Variants in CSMD1 observed in about 807,000 individuals in gnomAD.
The protein encoded by CSMD1 is CUB and Sushi multiple domains 1, also known as CUB and sushi domain-containing protein 1.
In CSMD1, 213 loss-of-function variants were observed where a neutral mutation model predicts 417.5. The observed-to-expected ratio is 0.51, with a 90% confidence interval of 0.46 to 0.57. The LOEUF is 0.57. Ranked by LOEUF, CSMD1 falls within the 20% of genes least tolerant of loss-of-function variation. The probability of loss-of-function intolerance (pLI) is 0.00; values close to 1 mark genes in which losing one functional copy is unlikely to be tolerated. For synonymous variants in CSMD1, 2,862 were observed against 1,736.8 expected, an observed-to-expected ratio of 1.65 and a Z score of -16.11; for missense variants, 6,923 against 4,529.7, an observed-to-expected ratio of 1.53 and a Z score of -15.17.
intron 1 of CSMD1, among the ~76,000 whole-genome samples, chr8:4,837,574 G>T (rs914186056): frequency 6.6e-6 from 1 of 152,112 alleles, no homozygotes; most frequent in Admixed American, 6.5e-5. Context: ...TTAAGCTCAT[G>T]AACATAGAGA....
chr8:4,820,326 C>G (rs1799448882), intron 1 of CSMD1, among the ~76,000 whole-genome samples: 1 of 152,178 alleles, frequency 6.6e-6, no homozygotes, highest in African/African-American at 2.4e-5. Context: ...CCTGAGTATT[C>G]AGAAGCATTA....
chr8:3,990,170 G>T (rs924642874), intron 5 of CSMD1, among the ~76,000 whole-genome samples: 2 of 152,130 alleles, frequency 1.3e-5, no homozygotes, highest in African/African-American at 4.8e-5. Flanking sequence ...CCAGGATTAA[G>T]GGCCACATAC....
chr8:4,653,131 C>A (rs1009156259), intron 1 of CSMD1, among the ~76,000 whole-genome samples: 1 of 151,960 alleles, frequency 6.6e-6, no homozygotes, highest in African/African-American at 2.4e-5. Context: ...CAGATTCAGC[C>A]CATTTAGTAG....
At chr8:4,022,460 T>C (rs1165928402) in intron 4 of CSMD1, among the ~76,000 whole-genome samples, 5 of 152,088 alleles carry the variant, frequency 3.3e-5, no homozygotes, top group African/African-American at 1.2e-4. Flanking sequence ...GATAAGGACA[T>C]TTGCAGCCTT....
At chr8:3,359,036 T>C in intron 21 of CSMD1, 116 bp downstream of exon 21, 2 of 930,598 alleles carry the variant, frequency 2.1e-6, no homozygotes, top group Middle Eastern at 3.4e-4. Flanking sequence ...GCCCACACTT[T>C]CACCCTCTCC....
intron 6 of CSMD1, among the ~76,000 whole-genome samples, chr8:3,738,483 T>G (rs78633252): frequency 6.6e-6 from 1 of 152,252 alleles, no homozygotes; most frequent in East Asian, 1.9e-4. Flanking sequence ...AATACATAAT[T>G]TAAGTTAGAG....
At chr8:4,591,943 G>A (rs769670587) in intron 2 of CSMD1, among the ~76,000 whole-genome samples, 1 of 152,098 alleles carries the variant, frequency 6.6e-6, no homozygotes, top group African/African-American at 2.4e-5. Flanking sequence ...AAAGGCAGCT[G>A]CTAGTGCAAA....
intron 1 of CSMD1, among the ~76,000 whole-genome samples, chr8:4,728,135 T>G (rs7008439): frequency 6.8e-6 from 1 of 146,494 alleles, no homozygotes; most frequent in Admixed American, 6.9e-5. Flanking sequence ...CATAAGATCA[T>G]ACCTATATAT....
At chr8:4,669,427 T>C (rs1023567766) in intron 1 of CSMD1, among the ~76,000 whole-genome samples, 1 of 152,214 alleles carries the variant, frequency 6.6e-6, no homozygotes, top group Non-Finnish European at 1.5e-5. Context: ...AGTTGTAGTT[T>C]TGTTTTTCTA....
intron 17 of CSMD1, among the ~76,000 whole-genome samples, chr8:3,392,306 T>A (rs1408599813): frequency 2.0e-5 from 3 of 150,674 alleles, no homozygotes; most frequent in Non-Finnish European, 3.0e-5. Flanking sequence ...TGAAAAAAAA[T>A]AATAATTCTT....
intron 7 of CSMD1, among the ~76,000 whole-genome samples, chr8:3,681,788 C>G (rs1799677213): frequency 6.6e-6 from 1 of 152,190 alleles, no homozygotes; most frequent in African/African-American, 2.4e-5. Context: ...TGACTTTAAA[C>G]TATACTACAA....
chr8:3,867,863 C>T lies in CSMD1; in HGVS notation c.819-113821G>A, dbSNP rs142572096. Among the ~76,000 whole-genome samples the T allele has an allele frequency of 1.4e-4, 22 of 152,160 alleles. No individual in the cohort carries two copies. The East Asian group carries it at 4.3e-3, about 30-fold the overall frequency. On this transcript the variant is annotated intron_variant, in intron 5 of 69. Transcript: ENST00000635120. Reference sequence around the variant, plus strand: ...TTTCCAGGATTGAAGAAGCATGGACCACTGGCCAGATCTTCCTGAACCGTT... The same window carrying T: ...TTTCCAGGATTGAAGAAGCATGGACTACTGGCCAGATCTTCCTGAACCGTT...
intron 5 of CSMD1, among the ~76,000 whole-genome samples, chr8:3,906,198 C>T (rs1201391699): frequency 6.6e-6 from 1 of 152,048 alleles, no homozygotes; most frequent in Non-Finnish European, 1.5e-5. Context: ...AAGTGAATCA[C>T]AAGTGCTTCA....
At chr8:3,748,237 T>C (rs1257526501) in intron 6 of CSMD1, among the ~76,000 whole-genome samples, 3 of 152,206 alleles carry the variant, frequency 2.0e-5, no homozygotes, top group Non-Finnish European at 4.4e-5. Context: ...GAATGAGTTA[T>C]ATTATTAAAA....
chr8:4,749,194 T>C (rs911145221), intron 1 of CSMD1, among the ~76,000 whole-genome samples: 17 of 152,268 alleles, frequency 1.1e-4, no homozygotes, highest in African/African-American at 4.1e-4. Flanking sequence ...TGGATTAGAA[T>C]ATTCTTAACA....
intron 52 of CSMD1, among the ~76,000 whole-genome samples, chr8:3,008,734 C>G (rs1197737828): frequency 6.6e-6 from 1 of 152,178 alleles, no homozygotes; most frequent in Non-Finnish European, 1.5e-5. Context: ...GCTATCCGTA[C>G]TGTTTCTGCA....
chr8:4,906,712 A>G (rs1805305436), intron 1 of CSMD1, among the ~76,000 whole-genome samples: 1 of 152,048 alleles, frequency 6.6e-6, no homozygotes, highest in Admixed American at 6.5e-5. Flanking sequence ...GCATGCCACC[A>G]TGTCCAGCTA....
rs548830174 is a variant in CSMD1 at position 4,740,517 on chromosome 8, T to C, written c.86-102959A>G. On this transcript the variant is annotated intron_variant, in intron 1 of 69. Coordinates refer to ENST00000635120, the MANE Select transcript of CSMD1 (RefSeq NM_033225.6). ...TGGTAAATGACAGAAATTTTCTTTC[T>C]GTCTTCAAATATGGATAAGACTCAT... 9.8e-5 allele frequency among the ~76,000 whole-genome samples: 15 copies of C among 152,360 alleles called. No homozygotes were observed. The South Asian group carries it at 3.1e-3, about 32-fold the overall frequency.
chr8:4,574,818 C>G (rs1020917762), intron 2 of CSMD1, among the ~76,000 whole-genome samples: 1 of 152,160 alleles, frequency 6.6e-6, no homozygotes, highest in Non-Finnish European at 1.5e-5. Flanking sequence ...CAAAACAAAA[C>G]TAAAACAACA....
Sources: gnomAD v4.1 joint callset for allele counts (sites outside exome capture counted in the v4.1 genomes callset) on GRCh38, gnomAD v4.1.1 for gene constraint, MANE v1.5 for transcripts, NCBI Gene and HGNC (gene_info 2026-07-23, HGNC 2026-07-21) for gene names.